The following KIF13A variants were observed in gnomAD, a reference collection of about 807,000 sequenced individuals.
KIF13A encodes kinesin family member 13A.
In KIF13A, 79 loss-of-function variants were observed where a neutral mutation model predicts 212.2. The ratio of observed to expected loss-of-function variants is 0.37; its 90% confidence interval spans 0.31 to 0.45. KIF13A has a LOEUF of 0.45. KIF13A is among the 20% of genes least tolerant of loss of function. The pLI is 1.00. For synonymous variants in KIF13A, 789 were observed against 808.6 expected, an observed-to-expected ratio of 0.98 and a Z score of 0.41; for missense variants, 1,901 against 2,209.0, an observed-to-expected ratio of 0.86 and a Z score of 2.79.
At chr6:17,861,997 T>C (rs902989568) in intron 4 of KIF13A, among the ~76,000 whole-genome samples, 2 of 152,188 alleles carry the variant, frequency 1.3e-5, no homozygotes, top group African/African-American at 2.4e-5. Context: ...TATTTTCTTC[T>C]AGTTTTATTT....
In KIF13A at chr6:17,802,377, C is replaced by T. The variant is rs186334880; in HGVS notation, c.2454+1984G>A. On this transcript the variant is annotated intron_variant, in intron 20 of 38. Coordinates refer to ENST00000259711, the MANE Select transcript of KIF13A (RefSeq NM_022113.6). ...CGCGATCTCGGCTCACAGCAACCTC[C>T]GCCTCCCGGGTTCAAGCCATTCTCC... 8.3e-3 allele frequency among the ~76,000 whole-genome samples: 1,254 copies of T among 151,696 alleles called. 20 individuals carry two copies. Among genetic ancestry groups the T allele is most frequent in the African/African-American group, 0.028 (1,169 of 41,352 alleles).
chr6:17,932,027 G>T (rs1031151077), intron 2 of KIF13A, among the ~76,000 whole-genome samples: 4 of 152,036 alleles, frequency 2.6e-5, no homozygotes, highest in Non-Finnish European at 2.9e-5. Flanking sequence ...AAAAGCAAAT[G>T]CTTGAGCCCC....
intron 2 of KIF13A, among the ~76,000 whole-genome samples, chr6:17,937,206 G>C (rs1776543572): frequency 6.6e-6 from 1 of 152,150 alleles, no homozygotes. Flanking sequence ...TACATAAATG[G>C]AAAGGAAGTC....
At position 17,780,817 on chromosome 6, in the gene KIF13A, A is replaced by G; in HGVS notation, c.3759T>C (p.Ile1253=). 6.2e-7 allele frequency: 1 copy of G among 1,613,994 alleles called. No individual in the cohort carries two copies. Among genetic ancestry groups the G allele is most frequent in the South Asian group, 1.1e-5 (1 of 91,086 alleles). Residue 1253 remains isoleucine, a synonymous_variant, in exon 31 of 39, where the codon ATT becomes ATC. Transcript: ENST00000259711. The part of the protein sequence containing the change: ...VTPQNERIYL[I]VKTTVQLSHP... Reference sequence around the variant, plus strand: ...GGCTGAGTTGAACTGTGGTTTTCACAATTAGGTAAATCCTTTCATTCTGTG... The same window carrying G: ...GGCTGAGTTGAACTGTGGTTTTCACGATTAGGTAAATCCTTTCATTCTGTG...
intron 38 of KIF13A, among the ~76,000 whole-genome samples, chr6:17,766,807 A>G (rs1759031095): frequency 6.6e-6 from 1 of 152,172 alleles, no homozygotes; most frequent in Non-Finnish European, 1.5e-5. Context: ...ATGAACATAA[A>G]TTTCATCTGT....
At chr6:17,916,955 C>T (rs1212799840) in intron 2 of KIF13A, among the ~76,000 whole-genome samples, 1 of 148,146 alleles carries the variant, frequency 6.8e-6, no homozygotes, top group Non-Finnish European at 1.5e-5. Flanking sequence ...CTCATAATCT[C>T]AATACAACAA....
chr6:17,837,326 GT>G lies in KIF13A; in HGVS notation c.942+145del, dbSNP rs898511644. On this transcript the variant is annotated intron_variant, in intron 10 of 38. Transcript: ENST00000259711. This position sits in a 1 kb window ranked among gnomAD's most constrained non-coding sequence, Gnocchi z 5.4. The stretch of plus-strand genomic sequence containing the variant: ...ATGGAATAAAAAGGAGTAGAAAATA[GT>G]TTTCATTCTGTGTTCCTAGGAATTA... The G allele has an allele frequency of 1.5e-5, 10 of 688,276 alleles. No homozygotes were observed. In the Admixed American group the frequency reaches 2.9e-4, roughly 20 times the overall value. 42.6% of individuals were successfully genotyped at this position (688,276 alleles called of 1,614,324 possible).
intron 9 of KIF13A, among the ~76,000 whole-genome samples, chr6:17,846,787 GGC>G (rs1366036304): frequency 6.6e-6 from 1 of 151,994 alleles, no homozygotes; most frequent in Non-Finnish European, 1.5e-5. Flanking sequence ...AAATTAAGGG[GGC>G]ACTATTTACA....
chr6:17,770,361 A>ATTTTTCTTTTTTTTTTTT (rs1759380798), intron 38 of KIF13A: 1 of 119,446 alleles, frequency 8.4e-6, no homozygotes, highest in Non-Finnish European at 1.7e-5. Context: ...AATAAACAGG[A>ATTTTTCTTTTTTTTTTTT]TTTTTTTTTT....
At chr6:17,815,592 C>A in intron 17 of KIF13A, 1 of 438,332 alleles carries the variant, frequency 2.3e-6, no homozygotes. Context: ...CTCACTGTGT[C>A]CCTTCAGCTC....
intron 4 of KIF13A, among the ~76,000 whole-genome samples, chr6:17,869,019 A>AAAAAAAAAAAAACC: frequency 7.9e-6 from 1 of 126,514 alleles, no homozygotes; most frequent in Non-Finnish European, 1.7e-5. Context: ...AAAAAAAAAA[A>AAAAAAAAAAAAACC]ACACAAATAA....
chr6:17,939,416 TC>T (rs1344795966), intron 2 of KIF13A, among the ~76,000 whole-genome samples: 1 of 152,230 alleles, frequency 6.6e-6, no homozygotes, highest in African/African-American at 2.4e-5. Context: ...TCTTCAACAG[TC>T]TTGCTGTCAC....
At chr6:17,877,629 A>G (rs2150444407) in intron 3 of KIF13A, among the ~76,000 whole-genome samples, 1 of 152,200 alleles carries the variant, frequency 6.6e-6, no homozygotes, top group East Asian at 1.9e-4. Context: ...TCCTTACTTT[A>G]AACAGCCAAT....
chr6:17,949,107 GATGCTAAAACTCGCCGACCA>G (rs1581822329), intron 2 of KIF13A, among the ~76,000 whole-genome samples: 1 of 152,144 alleles, frequency 6.6e-6, no homozygotes, highest in East Asian at 1.9e-4. Flanking sequence ...TCTCAAAGGA[GATGCTAAAACTCGCCGACCA>G]CTATACATCA....
rs1768041114 is a variant in KIF13A at position 17,855,311 on chromosome 6, TAAATG to T, written c.494+121_494+125del. Reference sequence around the variant, plus strand: ...CTTTGAGAAGCTGATGATTTTTCTGTAAATGAATGAAAACCAGTGTAGTCACCAAG... The same window carrying T: ...CTTTGAGAAGCTGATGATTTTTCTGTAATGAAAACCAGTGTAGTCACCAAG... On this transcript the variant is annotated intron_variant, in intron 6 of 38. Coordinates refer to ENST00000259711, the MANE Select transcript of KIF13A (RefSeq NM_022113.6). The surrounding 1 kb of genome is among the most constrained non-coding windows in gnomAD (Gnocchi z 4.1). 1 of 697,240 alleles carries T rather than the reference TAAATG, an allele frequency of 1.4e-6. No homozygotes were observed. Among genetic ancestry groups the T allele is most frequent in the South Asian group, 2.2e-5 (1 of 46,388 alleles). 43.2% of individuals were successfully genotyped at this position (697,240 alleles called of 1,614,324 possible).
intron 2 of KIF13A, among the ~76,000 whole-genome samples, chr6:17,970,132 T>C (rs946311211): frequency 1.3e-5 from 2 of 151,748 alleles, no homozygotes; most frequent in Non-Finnish European, 2.9e-5. Context: ...CCGTGTTAGC[T>C]GGGATGGTCT....
Position 17,827,131 on chromosome 6 carries a change from G to A in KIF13A, c.1533-1007C>T, listed in dbSNP as rs140939908. Among the ~76,000 whole-genome samples the A allele has an allele frequency of 6.1e-3, 932 of 151,952 alleles. 7 individuals carry two copies. Among genetic ancestry groups the A allele is most frequent in the African/African-American group, 0.021 (878 of 41,456 alleles). On this transcript the variant is annotated intron_variant, in intron 14 of 38. Coordinates refer to ENST00000259711, the MANE Select transcript of KIF13A (RefSeq NM_022113.6). ...CTTTTTGAGACATGGTCTTACTCTG[G>A]TTGTCCAGGCTGGAGTGCAATGGAG...
rs1047311190 is a variant in KIF13A at position 17,833,215 on chromosome 6, C to T, written c.1266+746G>A. On this transcript the variant is annotated intron_variant, in intron 12 of 38. Coordinates refer to ENST00000259711, the MANE Select transcript of KIF13A (RefSeq NM_022113.6). ...ATGTCTAAAAGTGATCTTTGCTGGG[C>T]GAGGCACAGTGGCTCATGCCTGTAA... Among the ~76,000 whole-genome samples, 8 of 152,016 alleles carry T rather than the reference C, an allele frequency of 5.3e-5. No homozygotes were observed. The South Asian group carries it at 1.0e-3, about 20-fold the overall frequency.
chr6:17,819,284 C>G (rs1334471788), intron 16 of KIF13A, among the ~76,000 whole-genome samples: 1 of 152,074 alleles, frequency 6.6e-6, no homozygotes, highest in Non-Finnish European at 1.5e-5. Flanking sequence ...AAACTGGGGG[C>G]CAGGCGTGGT....
Sources: gnomAD v4.1 joint callset for allele counts (sites outside exome capture counted in the v4.1 genomes callset) on GRCh38, gnomAD v4.1.1 for gene constraint, Gnocchi (gnomAD v3.1) non-coding constraint, MANE v1.5 for transcripts, NCBI Gene and HGNC (gene_info 2026-07-23, HGNC 2026-07-21) for gene names.